SGCZ: variants seen among roughly 807,000 people sequenced by gnomAD.
SGCZ encodes the protein sarcoglycan zeta, also known as zeta-sarcoglycan.
Under a neutral mutation model 41.3 loss-of-function variants are expected in SGCZ, and 40 were observed. The ratio of observed to expected loss-of-function variants is 0.97; its 90% confidence interval spans 0.75 to 1.26. The LOEUF (loss-of-function observed/expected upper bound fraction) is 1.26, where lower values mean the gene tolerates loss of function less well. SGCZ is among the 50% of genes most tolerant of loss of function. The pLI is 0.00. For synonymous variants in SGCZ, 206 were observed against 137.5 expected, an observed-to-expected ratio of 1.50 and a Z score of -3.49; for missense variants, 552 against 369.8, an observed-to-expected ratio of 1.49 and a Z score of -4.04.
At chr8:15,221,417 T>C (rs1801597933) in intron 1 of SGCZ, among the ~76,000 whole-genome samples, 2 of 152,146 alleles carry the variant, frequency 1.3e-5, no homozygotes. Flanking sequence ...CTGATCTGCC[T>C]CATTCTTCTT....
chr8:14,284,571 G>C (rs923824825), intron 3 of SGCZ, among the ~76,000 whole-genome samples: 3 of 152,032 alleles, frequency 2.0e-5, no homozygotes, highest in Non-Finnish European at 4.4e-5. Context: ...GATAATCTTT[G>C]TCTTCTAATT....
chr8:14,214,515 G>C lies in SGCZ; in HGVS notation c.424+23077C>G, dbSNP rs545449049. Among the ~76,000 whole-genome samples, 15 of 152,152 alleles carry C rather than the reference G, an allele frequency of 9.9e-5. No individual in the cohort carries two copies. The South Asian group carries it at 3.1e-3, about 32-fold the overall frequency. Reference sequence around the variant, plus strand: ...ATCATAGGAAAAACTGGAACTTTCTGTACTAGTTTTACTATAAGTCTGCAA... The same window carrying C: ...ATCATAGGAAAAACTGGAACTTTCTCTACTAGTTTTACTATAAGTCTGCAA... On this transcript the variant is annotated intron_variant, in intron 4 of 7. Coordinates refer to ENST00000382080, the MANE Select transcript of SGCZ (RefSeq NM_139167.4).
chr8:15,159,457 T>G (rs969752550), intron 1 of SGCZ, among the ~76,000 whole-genome samples: 4 of 152,170 alleles, frequency 2.6e-5, no homozygotes, highest in African/African-American at 9.6e-5. Context: ...GGCTTGTGAC[T>G]GGCATCCAAA....
At chr8:15,021,349 T>G (rs912673877) in intron 1 of SGCZ, among the ~76,000 whole-genome samples, 4 of 152,218 alleles carry the variant, frequency 2.6e-5, no homozygotes, top group African/African-American at 9.6e-5. Flanking sequence ...TTGTATCTTC[T>G]GAATGTGTGA....
intron 4 of SGCZ, among the ~76,000 whole-genome samples, chr8:14,230,768 G>GA (rs1262435232): frequency 3.4e-5 from 5 of 149,136 alleles, no homozygotes. Flanking sequence ...GGTGGTGGTG[G>GA]GGGGGTGGTT....
chr8:14,960,110 TAATA>T (rs1800915704), intron 1 of SGCZ, among the ~76,000 whole-genome samples: 1 of 152,176 alleles, frequency 6.6e-6, no homozygotes, highest in Non-Finnish European at 1.5e-5. Context: ...AATGAAAACA[TAATA>T]AAAAGAATTT....
Position 14,436,258 on chromosome 8 carries a change from C to A in SGCZ, c.235-112054G>T, listed in dbSNP as rs73517460. 5.7e-3 allele frequency among the ~76,000 whole-genome samples: 871 copies of A among 152,270 alleles called. 10 individuals carry two copies. Among genetic ancestry groups the A allele is most frequent in the African/African-American group, 0.02 (830 of 41,548 alleles). ...GACCCTGGCGATGAGCCTCTTGAATCACAGAGCAGGGAGGAGAAAGGAGAG... is the reference window on the plus strand; with the variant it reads ...GACCCTGGCGATGAGCCTCTTGAATAACAGAGCAGGGAGGAGAAAGGAGAG... On this transcript the variant is annotated intron_variant, in intron 2 of 7. Transcript: ENST00000382080.
At chr8:14,223,213 T>G (rs563661445) in intron 4 of SGCZ, among the ~76,000 whole-genome samples, 1 of 152,280 alleles carries the variant, frequency 6.6e-6, no homozygotes, top group African/African-American at 2.4e-5. Flanking sequence ...TGATTTTCAA[T>G]ACCTATACTA....
chr8:14,243,414 C>T (rs545391614), intron 3 of SGCZ, among the ~76,000 whole-genome samples: 2 of 152,220 alleles, frequency 1.3e-5, no homozygotes, highest in East Asian at 1.9e-4. Flanking sequence ...AAACTCACAT[C>T]GCAATAACCA....
At chr8:14,330,503 G>A (rs769705171) in intron 2 of SGCZ, among the ~76,000 whole-genome samples, 24 of 151,764 alleles carry the variant, frequency 1.6e-4, no homozygotes, top group African/African-American at 4.4e-4. Context: ...ATAAGAGACC[G>A]AATGAAAAAA....
intron 1 of SGCZ, among the ~76,000 whole-genome samples, chr8:15,036,858 G>A (rs1002007666): frequency 3.3e-5 from 5 of 152,046 alleles, no homozygotes; most frequent in Admixed American, 2.0e-4. Context: ...CCACTAACAA[G>A]TTGAATTCAT....
chr8:14,598,630 G>A (rs1446696842), intron 1 of SGCZ, among the ~76,000 whole-genome samples: 1 of 151,830 alleles, frequency 6.6e-6, no homozygotes, highest in Non-Finnish European at 1.5e-5. Flanking sequence ...CCGGGCTCAA[G>A]TGATTTCCCA....
intron 5 of SGCZ, among the ~76,000 whole-genome samples, chr8:14,135,871 C>G (rs974802505): frequency 1.3e-5 from 2 of 151,700 alleles, no homozygotes; most frequent in Admixed American, 6.6e-5. Flanking sequence ...AGCCAAAATA[C>G]TATAGACCCT....
chr8:15,159,757 CG>C (rs1799456523), intron 1 of SGCZ, among the ~76,000 whole-genome samples: 2 of 68,642 alleles, frequency 2.9e-5, no homozygotes, highest in African/African-American at 4.3e-5. Flanking sequence ...CCCCCACCCC[CG>C]CCACACACAC....
At chr8:14,586,370 C>T (rs376392253) in intron 1 of SGCZ, among the ~76,000 whole-genome samples, 2 of 151,972 alleles carry the variant, frequency 1.3e-5, no homozygotes, top group African/African-American at 4.8e-5. Context: ...TGTGTCATCA[C>T]AACAGGCTAA....
At chr8:14,962,788 C>T (rs899948793) in intron 1 of SGCZ, among the ~76,000 whole-genome samples, 1 of 152,102 alleles carries the variant, frequency 6.6e-6, no homozygotes, top group Admixed American at 6.6e-5. Flanking sequence ...GGGCAAGTGT[C>T]CCGCATTAAG....
rs946719814 is a variant in SGCZ at position 14,087,996 on chromosome 8, A to G, written c.*2447T>C. Reference sequence around the variant, plus strand: ...TGTAAGTTACTTTTGAATTATGTCTATACTTCTCAGAATGCATTTGAATTA... The same window carrying G: ...TGTAAGTTACTTTTGAATTATGTCTGTACTTCTCAGAATGCATTTGAATTA... On this transcript the variant is annotated 3_prime_UTR_variant, in exon 8 of 8. Coordinates refer to ENST00000382080, the MANE Select transcript of SGCZ (RefSeq NM_139167.4). 2.6e-5 allele frequency among the ~76,000 whole-genome samples: 4 copies of G among 151,820 alleles called. No homozygotes were observed. The highest frequency in any genetic ancestry group is 4.8e-5 in the African/African-American group (2 of 41,396).
chr8:14,475,731 T>A (rs1441483596), intron 2 of SGCZ, among the ~76,000 whole-genome samples: 1 of 152,178 alleles, frequency 6.6e-6, no homozygotes. Context: ...AATTAAGGAA[T>A]TATATGACAA....
At chr8:15,065,739 G>C (rs1021933551) in intron 1 of SGCZ, among the ~76,000 whole-genome samples, 4 of 152,062 alleles carry the variant, frequency 2.6e-5, no homozygotes, top group African/African-American at 9.7e-5. Context: ...AGATGGTATT[G>C]TAATTCTTGA....
Sources: allele counts gnomAD v4.1 joint callset (sites outside exome capture counted in the v4.1 genomes callset), GRCh38; gene constraint gnomAD v4.1.1; transcripts MANE v1.5; gene names NCBI Gene and HGNC (gene_info 2026-07-23, HGNC 2026-07-21).